The following AGBL4 variants were observed in gnomAD, a reference collection of about 807,000 sequenced individuals.
AGBL4 encodes AGBL carboxypeptidase 4.
AGBL4 carries 58 observed loss-of-function variants against 66.4 expected under a neutral mutation model. The ratio of observed to expected loss-of-function variants is 0.87; its 90% CI spans 0.71 to 1.09. The LOEUF is 1.09. Ranked by LOEUF, AGBL4 falls within the 50% of genes least tolerant of loss-of-function variation. AGBL4 has a pLI of 0.00. For synonymous variants in AGBL4, 234 were observed against 222.9 expected (o/e 1.05, Z -0.44); for missense variants, 579 against 631.0 (o/e 0.92, Z 0.88).
intron 3 of AGBL4, among the ~76,000 whole-genome samples, chr1:49,351,259 C>T (rs1643902135): frequency 6.6e-6 from 1 of 152,108 alleles, no homozygotes; most frequent in South Asian, 2.1e-4. Context: ...ACTTTAGTAA[C>T]TTAGAACCCA....
At chr1:49,897,280 T>C (rs1329754578) in intron 1 of AGBL4, among the ~76,000 whole-genome samples, 1 of 151,890 alleles carries the variant, frequency 6.6e-6, no homozygotes, top group Non-Finnish European at 1.5e-5. Context: ...ACAATCAACA[T>C]ACAAAAAAAT....
At chr1:48,880,631 A>AT (rs1420346563) in intron 5 of AGBL4, among the ~76,000 whole-genome samples, 2 of 151,854 alleles carry the variant, frequency 1.3e-5, no homozygotes, top group African/African-American at 4.8e-5. Context: ...AACACCTATT[A>AT]TTTTTTTATT....
At chr1:48,895,104 T>C (rs769480285) in intron 5 of AGBL4, among the ~76,000 whole-genome samples, 5 of 152,262 alleles carry the variant, frequency 3.3e-5, no homozygotes, top group Non-Finnish European at 7.3e-5. Context: ...CCCTCTGTTC[T>C]GTGGTTAGAG....
At chr1:49,793,909 T>C (rs990092480) in intron 2 of AGBL4, among the ~76,000 whole-genome samples, 12 of 151,856 alleles carry the variant, frequency 7.9e-5, no homozygotes, top group African/African-American at 2.2e-4. Context: ...GTGTGAGTTA[T>C]TGAAGAATCC....
chr1:49,548,752 C>T (rs945803724), intron 3 of AGBL4, among the ~76,000 whole-genome samples: 1 of 151,984 alleles, frequency 6.6e-6, no homozygotes, highest in Non-Finnish European at 1.5e-5. Flanking sequence ...TTGGTTAAGT[C>T]CTTTCCTGGT....
At chr1:49,765,122 G>C (rs1652639650) in intron 2 of AGBL4, among the ~76,000 whole-genome samples, 2 of 152,102 alleles carry the variant, frequency 1.3e-5, no homozygotes, top group African/African-American at 4.8e-5. Context: ...TTGCCCAGCT[G>C]TGTCCCTCCA....
intron 4 of AGBL4, among the ~76,000 whole-genome samples, chr1:49,189,603 A>T (rs192850537): frequency 1.7e-4 from 26 of 152,276 alleles, no homozygotes; most frequent in African/African-American, 5.3e-4. Flanking sequence ...TATTTATCCT[A>T]TTTGGTCATC....
intron 3 of AGBL4, among the ~76,000 whole-genome samples, chr1:49,673,821 C>G (rs1284391140): frequency 6.6e-6 from 1 of 151,832 alleles, no homozygotes; most frequent in Non-Finnish European, 1.5e-5. Flanking sequence ...TAATCACAAT[C>G]TAGTGTGCTG....
chr1:49,300,477 C>T (rs930381343), intron 3 of AGBL4, among the ~76,000 whole-genome samples: 1 of 152,096 alleles, frequency 6.6e-6, no homozygotes, highest in Non-Finnish European at 1.5e-5. Flanking sequence ...TTTAAAAATC[C>T]AATTTAGTAA....
chr1:49,156,099 T>C (rs1170147139), intron 4 of AGBL4, among the ~76,000 whole-genome samples: 1 of 152,186 alleles, frequency 6.6e-6, no homozygotes, highest in Non-Finnish European at 1.5e-5. Context: ...GCTACAATAA[T>C]CTAATATCAA....
intron 2 of AGBL4, among the ~76,000 whole-genome samples, chr1:49,803,983 T>C (rs1286684907): frequency 6.6e-6 from 1 of 152,166 alleles, no homozygotes; most frequent in African/African-American, 2.4e-5. Flanking sequence ...TGCTAGAAAA[T>C]TGTACATTTG....
chr1:49,435,769 G>A (rs372870285), intron 3 of AGBL4, among the ~76,000 whole-genome samples: 1 of 151,968 alleles, frequency 6.6e-6, no homozygotes, highest in Non-Finnish European at 1.5e-5. Flanking sequence ...TGGTAGCTTG[G>A]GCTTATTCTT....
intron 4 of AGBL4, among the ~76,000 whole-genome samples, chr1:49,070,122 G>A (rs536537777): frequency 3.4e-4 from 51 of 152,092 alleles, no homozygotes; most frequent in Non-Finnish European, 6.2e-4. Flanking sequence ...TCAGCTTAAG[G>A]AGATTTTGGG....
At chr1:48,904,309 TAC>T (rs1652377160) in intron 5 of AGBL4, among the ~76,000 whole-genome samples, 2 of 152,126 alleles carry the variant, frequency 1.3e-5, no homozygotes. Context: ...TGATCTCAAT[TAC>T]TGCTTGGCTA....
At chr1:49,317,819 T>C (rs1645066441) in intron 3 of AGBL4, among the ~76,000 whole-genome samples, 1 of 152,074 alleles carries the variant, frequency 6.6e-6, no homozygotes, top group African/African-American at 2.4e-5. Flanking sequence ...TTTGTAAAGA[T>C]GTCAGCTTCA....
At chr1:48,531,155 T>C, downstream of AGBL4, among the ~76,000 whole-genome samples, 1 of 152,086 alleles carries the variant, frequency 6.6e-6, no homozygotes, top group East Asian at 1.9e-4. Flanking sequence ...AAGCAGACAG[T>C]CATCTTGCAA....
At chr1:48,813,072 G>GCA (rs1646092984) in intron 6 of AGBL4, among the ~76,000 whole-genome samples, 2 of 151,990 alleles carry the variant, frequency 1.3e-5, no homozygotes, top group Non-Finnish European at 2.9e-5. Flanking sequence ...TAACAAACCT[G>GCA]CAAGTTGTGC....
At chr1:49,724,266 A>G (rs1648841045) in intron 2 of AGBL4, among the ~76,000 whole-genome samples, 1 of 152,188 alleles carries the variant, frequency 6.6e-6, no homozygotes, top group Admixed American at 6.5e-5. Flanking sequence ...AAGTAGTAAA[A>G]CTTATATATG....
intron 6 of AGBL4, among the ~76,000 whole-genome samples, chr1:48,676,047 A>G (rs979805666): frequency 6.6e-6 from 1 of 152,228 alleles, no homozygotes. Flanking sequence ...CTTTCTACAA[A>G]TTCTACCTCA....
Sources: allele counts gnomAD v4.1 joint callset (sites outside exome capture counted in the v4.1 genomes callset), GRCh38; gene constraint gnomAD v4.1.1; transcripts MANE v1.5; gene names NCBI Gene and HGNC (gene_info 2026-07-23, HGNC 2026-07-21).